Variants in GALNTL6 observed in about 807,000 individuals in gnomAD.
The protein encoded by GALNTL6 is polypeptide N-acetylgalactosaminyltransferase like 6, also known as polypeptide N-acetylgalactosaminyltransferase-like 6.
In GALNTL6, 46 loss-of-function variants were observed where a neutral mutation model predicts 73.7. That is an observed-to-expected ratio of 0.62 (90% confidence interval 0.49 to 0.80). The LOEUF is 0.80. GALNTL6 is among the 30% of genes least tolerant of loss of function. The pLI, the probability that GALNTL6 is intolerant of heterozygous loss-of-function variation, is 0.00. For synonymous variants in GALNTL6, 259 were observed against 263.7 expected, an observed-to-expected ratio of 0.98 and a Z score of 0.17; for missense variants, 604 against 755.0, an observed-to-expected ratio of 0.80 and a Z score of 2.34.
intron 2 of GALNTL6, among the ~76,000 whole-genome samples, chr4:171,901,348 C>T (rs1291975194): frequency 1.3e-5 from 2 of 152,142 alleles, no homozygotes; most frequent in Admixed American, 6.5e-5. Flanking sequence ...CCCACAAAGG[C>T]CTTCTGAAGA....
chr4:172,595,090 C>A (rs574036352), intron 5 of GALNTL6, among the ~76,000 whole-genome samples: 1 of 152,174 alleles, frequency 6.6e-6, no homozygotes, highest in East Asian at 1.9e-4. Context: ...GTGCACTAAT[C>A]CCATTCATGA....
intron 10 of GALNTL6, among the ~76,000 whole-genome samples, chr4:173,007,167 G>A (rs933585043): frequency 9.2e-5 from 14 of 151,992 alleles, no homozygotes; most frequent in Admixed American, 2.6e-4. Flanking sequence ...ATGATACTCC[G>A]TATATTTCAT....
At chr4:171,924,535 C>T (rs773903542) in intron 2 of GALNTL6, among the ~76,000 whole-genome samples, 1 of 152,116 alleles carries the variant, frequency 6.6e-6, no homozygotes, top group Admixed American at 6.5e-5. Flanking sequence ...TTGGGCCACA[C>T]AGCAAATTGT....
At chr4:172,075,964 A>AT (rs1731690111) in intron 2 of GALNTL6, among the ~76,000 whole-genome samples, 1 of 152,216 alleles carries the variant, frequency 6.6e-6, no homozygotes, top group South Asian at 2.1e-4. Flanking sequence ...CAGCTCTTTA[A>AT]TGTATTCACA....
At chr4:173,022,015 AAAGGAAGGAAGGAAAG>A (rs1241592205) in intron 12 of GALNTL6, among the ~76,000 whole-genome samples, 1 of 119,624 alleles carries the variant, frequency 8.4e-6, no homozygotes, top group East Asian at 2.4e-4. Flanking sequence ...GAGAGAGAGA[AAAGGAAGGAAGGAAAG>A]AAGGAAGGAA....
chr4:172,626,575 G>T (rs1353385992), intron 5 of GALNTL6, among the ~76,000 whole-genome samples: 1 of 152,042 alleles, frequency 6.6e-6, no homozygotes, highest in Non-Finnish European at 1.5e-5. Context: ...GATAGGAATG[G>T]TGTTGAATAT....
intron 2 of GALNTL6, among the ~76,000 whole-genome samples, chr4:172,219,106 G>A (rs577470259): frequency 2.2e-5 from 3 of 134,438 alleles, no homozygotes; most frequent in South Asian, 4.5e-4. Context: ...TGGGAAGGCA[G>A]ATAAATATAT....
At chr4:172,847,572 C>T (rs1275937675) in intron 7 of GALNTL6, among the ~76,000 whole-genome samples, 1 of 151,976 alleles carries the variant, frequency 6.6e-6, no homozygotes, top group African/African-American at 2.4e-5. Flanking sequence ...GTTTAAGTTG[C>T]TATATTATTC....
At chr4:172,238,304 G>A (rs1365336598) in intron 3 of GALNTL6, among the ~76,000 whole-genome samples, 6 of 152,078 alleles carry the variant, frequency 3.9e-5, no homozygotes, top group African/African-American at 7.2e-5. Flanking sequence ...CCTCATTTTA[G>A]AGATCTTTCA....
intron 10 of GALNTL6, among the ~76,000 whole-genome samples, chr4:172,990,948 C>T (rs1332948265): frequency 6.6e-6 from 1 of 152,050 alleles, no homozygotes; most frequent in Non-Finnish European, 1.5e-5. Context: ...TTTTAATATA[C>T]CAAATAAGCT....
intron 10 of GALNTL6, among the ~76,000 whole-genome samples, chr4:172,982,358 G>C (rs1020292234): frequency 6.6e-6 from 1 of 152,166 alleles, no homozygotes; most frequent in African/African-American, 2.4e-5. Flanking sequence ...ACTAGAGGGA[G>C]GAACTGTGCC....
At chr4:172,539,906 T>TAA (rs1310114498) in intron 5 of GALNTL6, among the ~76,000 whole-genome samples, 2 of 109,656 alleles carry the variant, frequency 1.8e-5, no homozygotes. Context: ...TATATATATA[T>TAA]AAAAAATCTC....
At chr4:172,406,875 A>G (rs1174036182) in intron 5 of GALNTL6, among the ~76,000 whole-genome samples, 1 of 152,002 alleles carries the variant, frequency 6.6e-6, no homozygotes, top group Non-Finnish European at 1.5e-5. Context: ...ATAATTCAAG[A>G]TGAGAACCAA....
Position 172,703,978 on chromosome 4 carries a change from G to A in GALNTL6, c.554-105383G>A, listed in dbSNP as rs776333196. Among the ~76,000 whole-genome samples, 3 of 151,798 alleles carry A rather than the reference G, an allele frequency of 2.0e-5. No homozygotes were observed. The South Asian group carries it at 6.2e-4, about 32-fold the overall frequency. ...GTCTTCCTGATTTTCTAATGTTTTG[G>A]CATGTAATTGTTCATAATACTCTCT... On this transcript the variant is annotated intron_variant, in intron 5 of 12. Transcript: ENST00000506823.
At chr4:171,968,851 G>T (rs1276913316) in intron 2 of GALNTL6, among the ~76,000 whole-genome samples, 3 of 146,582 alleles carry the variant, frequency 2.0e-5, no homozygotes, top group South Asian at 2.2e-4. Flanking sequence ...TGGGGGGGGG[G>T]TTGGGGACAG....
intron 5 of GALNTL6, among the ~76,000 whole-genome samples, chr4:172,554,252 T>C (rs1736064892): frequency 6.6e-6 from 1 of 152,210 alleles, no homozygotes; most frequent in African/African-American, 2.4e-5. Context: ...AAGCATTGCA[T>C]GCATTTCCTC....
chr4:172,298,826 C>A (rs1022171596), intron 3 of GALNTL6, among the ~76,000 whole-genome samples: 7 of 152,080 alleles, frequency 4.6e-5, no homozygotes, highest in African/African-American at 1.7e-4. Flanking sequence ...GTCTAAAATT[C>A]TCTTTTTTTG....
intron 8 of GALNTL6, among the ~76,000 whole-genome samples, chr4:172,889,414 A>G (rs1745901923): frequency 6.6e-6 from 1 of 152,052 alleles, no homozygotes; most frequent in African/African-American, 2.4e-5. Context: ...GTCTTTTATT[A>G]TTTTGATATA....
chr4:172,797,740 A>G (rs1363722944), intron 5 of GALNTL6, among the ~76,000 whole-genome samples: 1 of 151,536 alleles, frequency 6.6e-6, no homozygotes, highest in Non-Finnish European at 1.5e-5. Flanking sequence ...GGTTTCGCCA[A>G]GTTGGCCAGG....
Sources: allele counts gnomAD v4.1 joint callset (sites outside exome capture counted in the v4.1 genomes callset), GRCh38; gene constraint gnomAD v4.1.1; transcripts MANE v1.5; gene names NCBI Gene and HGNC (gene_info 2026-07-23, HGNC 2026-07-21).